HRH2: variants seen among roughly 807,000 people sequenced by gnomAD.
The protein encoded by HRH2 is histamine receptor H2.
In HRH2, 4 loss-of-function variants were observed where a neutral mutation model predicts 20.1. That is an observed-to-expected ratio of 0.20 (90% CI 0.10 to 0.45). The LOEUF (loss-of-function observed/expected upper bound fraction) is 0.45. Among genes scored for constraint, HRH2 ranks in the 20% least tolerant of loss-of-function variants. HRH2 has a pLI of 0.99. For synonymous variants in HRH2, 197 were observed against 200.7 expected, an observed-to-expected ratio of 0.98 and a Z score of 0.16; for missense variants, 250 against 461.6, an observed-to-expected ratio of 0.54 and a Z score of 4.20.
chr5:175,698,647 G>A (rs559868163), intron 2 of HRH2, among the ~76,000 whole-genome samples: 49 of 152,086 alleles, frequency 3.2e-4, no homozygotes, highest in Non-Finnish European at 6.2e-4. Context: ...GCAGCCTCCC[G>A]GTCAGGTCCG....
At chr5:175,665,800 G>A (rs1009862202) in intron 1 of HRH2, among the ~76,000 whole-genome samples, 1 of 152,076 alleles carries the variant, frequency 6.6e-6, no homozygotes, top group East Asian at 1.9e-4. Context: ...AAGGAAGAAG[G>A]AAATCCTGGA....
At chr5:175,664,888 G>A (rs947168649) in intron 1 of HRH2, among the ~76,000 whole-genome samples, 13 of 152,138 alleles carry the variant, frequency 8.5e-5, no homozygotes, top group Non-Finnish European at 1.3e-4. Context: ...TCTTCTTGCC[G>A]TGGCCTCTCA....
chr5:175,697,588 G>C (rs546022315), intron 2 of HRH2, among the ~76,000 whole-genome samples: 3 of 151,232 alleles, frequency 2.0e-5, no homozygotes, highest in African/African-American at 7.3e-5. Context: ...CCATTCCCCC[G>C]CTGGGGTATT....
At position 175,658,437 on chromosome 5, in the gene HRH2, C is replaced by T. The variant is rs189132644; in HGVS notation, c.-526+282C>T. On this transcript the variant is annotated intron_variant, in intron 1 of 2. Transcript: ENST00000636584. ...GGGCGTTGAGAGCTCGGGATGCAGC[C>T]CCGGTGCACAGCAGTGCTCGGGACG... is the stretch of plus-strand genomic sequence containing the variant. 3.7e-3 allele frequency among the ~76,000 whole-genome samples: 568 copies of T among 152,318 alleles called. 6 individuals carry two copies. The highest frequency in any genetic ancestry group is 0.013 in the African/African-American group (529 of 41,584).
intron 1 of HRH2, among the ~76,000 whole-genome samples, chr5:175,678,792 C>A (rs1033499592): frequency 6.6e-6 from 1 of 152,176 alleles, no homozygotes; most frequent in African/African-American, 2.4e-5. Flanking sequence ...AATTGTTGGC[C>A]GCTTGTGTGC....
Position 175,681,266 on chromosome 5 carries a change from C to T in HRH2, c.-525-1443C>T, listed in dbSNP as rs963658753. On this transcript the variant is annotated intron_variant, in intron 1 of 2. Transcript: ENST00000636584. This position sits in a 1 kb window ranked among gnomAD's most constrained non-coding sequence, Gnocchi z 4.3. The stretch of plus-strand genomic sequence containing the variant: ...CAGGACTGGTGGCTGAGCCAGGGAG[C>T]GTGGCAGAAGGTGATCGGGAACCCT... 5.3e-5 allele frequency among the ~76,000 whole-genome samples: 8 copies of T among 152,148 alleles called. No homozygotes were observed. The highest frequency in any genetic ancestry group is 3.8e-4 in the East Asian group (2 of 5,196).
chr5:175,672,691 A>G (rs1439484488), intron 1 of HRH2, among the ~76,000 whole-genome samples: 1 of 152,178 alleles, frequency 6.6e-6, no homozygotes, highest in Non-Finnish European at 1.5e-5. Context: ...GGTGGAGTGG[A>G]TCCTGGACCC....
At position 175,683,112 on chromosome 5, in the gene HRH2, A is replaced by AAAAAAAC; in HGVS notation, c.-122_-121insAAAAAAC. On this transcript the variant is annotated 5_prime_UTR_variant, in exon 2 of 3. Coordinates refer to ENST00000636584, the MANE Select transcript of HRH2 (RefSeq NM_001367711.1). The stretch of plus-strand genomic sequence containing the variant: ...TGGCCAAAAAAAAAAAAAAAAAAAA[A>AAAAAAAC]CTGGACACATTTTGGATCTGTTGGG... The AAAAAAAC allele has an allele frequency of 8.3e-7, 1 of 1,207,488 alleles. No homozygotes were observed. Among genetic ancestry groups the AAAAAAAC allele is most frequent in the Non-Finnish European group, 1.1e-6 (1 of 876,348 alleles). The allele number at this position is 1,207,488 out of a possible 1,614,324, so 74.8% of individuals were successfully genotyped here. A position where few individuals can be genotyped will look rare whatever the true frequency, so the allele number is the denominator to read the frequency against.
intron 1 of HRH2, among the ~76,000 whole-genome samples, chr5:175,673,037 G>A (rs780630177): frequency 2.0e-5 from 3 of 152,120 alleles, no homozygotes; most frequent in Admixed American, 6.5e-5. Flanking sequence ...AGGGGATGCC[G>A]ATCATAAGGG....
At chr5:175,700,525 G>A (rs1756760608) in intron 2 of HRH2, among the ~76,000 whole-genome samples, 1 of 152,206 alleles carries the variant, frequency 6.6e-6, no homozygotes, top group Non-Finnish European at 1.5e-5. Flanking sequence ...GGAGCCAGGA[G>A]GGAACCAGTA....
chr5:175,708,030 C>G lies in HRH2; in HGVS notation c.*59C>G, dbSNP rs1332285335. On this transcript the variant is annotated 3_prime_UTR_variant, in exon 3 of 3. Coordinates refer to ENST00000636584, the MANE Select transcript of HRH2 (RefSeq NM_001367711.1). ...GGTCCCCAAGATGTGACTCCTGGAG[C>G]TCCTAAGGACCCAGTCTCCAAAGCC... 4 of 398,860 alleles carry G rather than the reference C, an allele frequency of 1.0e-5. No individual in the cohort carries two copies. Among genetic ancestry groups the G allele is most frequent in the Non-Finnish European group, 1.8e-5 (4 of 226,120 alleles). 24.7% of individuals were successfully genotyped at this position (398,860 alleles called of 1,614,324 possible).
chr5:175,659,392 G>C (rs1394018067), intron 1 of HRH2, among the ~76,000 whole-genome samples: 3 of 152,234 alleles, frequency 2.0e-5, no homozygotes, highest in Non-Finnish European at 4.4e-5. Flanking sequence ...CTGGATGGTG[G>C]CATTTTCTCC....
At position 175,710,485 on chromosome 5, in the gene HRH2, C is replaced by A. The variant is rs947358149; in HGVS notation, c.*2514C>A. On this transcript the variant is annotated 3_prime_UTR_variant, in exon 3 of 3. Coordinates refer to ENST00000636584, the MANE Select transcript of HRH2 (RefSeq NM_001367711.1). ...CTGAGGCAGGCAGGTCTCTCAGTCA[C>A]GGCCACATGACCTCAAGTGAAAACA... is the stretch of plus-strand genomic sequence containing the variant. 6.6e-6 allele frequency: 1 copy of A among 152,288 alleles called. No homozygotes were observed. Among genetic ancestry groups the A allele is most frequent in the Non-Finnish European group, 1.5e-5 (1 of 68,088 alleles). The allele number at this position is 152,288 out of a possible 1,614,324, so 9.4% of individuals were successfully genotyped here.
At chr5:175,666,790 C>G (rs956203429) in intron 1 of HRH2, among the ~76,000 whole-genome samples, 1 of 152,110 alleles carries the variant, frequency 6.6e-6, no homozygotes, top group Non-Finnish European at 1.5e-5. Context: ...CATTTGGGAC[C>G]ATACTGCCTT....
intron 2 of HRH2, chr5:175,685,781 T>C (rs954123802): frequency 8.1e-6 from 4 of 493,918 alleles, no homozygotes; most frequent in East Asian, 7.2e-5. Flanking sequence ...CATCTCCCAA[T>C]AGGACATAAG....
intron 2 of HRH2, among the ~76,000 whole-genome samples, chr5:175,699,571 G>GT (rs1561740870): frequency 3.7e-4 from 56 of 149,494 alleles, no homozygotes; most frequent in African/African-American, 1.4e-3. Context: ...GGTTGTTTTT[G>GT]TTTTGTTTGT....
At chr5:175,691,180 C>G (rs535068719) in intron 2 of HRH2, 1 of 152,330 alleles carries the variant, frequency 6.6e-6, no homozygotes, top group Non-Finnish European at 1.5e-5. Flanking sequence ...CGCGGAGCAA[C>G]GGCGCAAGCT....
intron 2 of HRH2, among the ~76,000 whole-genome samples, chr5:175,700,092 C>T (rs991313839): frequency 1.3e-5 from 2 of 152,266 alleles, no homozygotes; most frequent in South Asian, 2.1e-4. Flanking sequence ...TCAGACAGAA[C>T]GCGGAACTCC....
chr5:175,673,724 G>A (rs1243202753), intron 1 of HRH2, among the ~76,000 whole-genome samples: 1 of 59,960 alleles, frequency 1.7e-5, no homozygotes, highest in East Asian at 5.3e-4. Context: ...TTTTTTTTTT[G>A]ACGGAGTCTC....
Sources: allele counts gnomAD v4.1 joint callset (sites outside exome capture counted in the v4.1 genomes callset), GRCh38; gene constraint gnomAD v4.1.1; non-coding constraint Gnocchi (gnomAD v3.1); transcripts MANE v1.5; gene names NCBI Gene and HGNC (gene_info 2026-07-23, HGNC 2026-07-21).